NUDT21: variants seen among roughly 807,000 people sequenced by gnomAD.
The protein encoded by NUDT21 is cleavage and polyadenylation specificity factor subunit 5.
Under a neutral mutation model 29.8 loss-of-function variants are expected in NUDT21, and 5 were observed. That is an observed-to-expected ratio of 0.17 (90% CI 0.09 to 0.35). The LOEUF is 0.35. Ranked by LOEUF, NUDT21 falls within the 10% of genes least tolerant of loss-of-function variation. The pLI is 1.00. For missense variants in NUDT21, 76 were observed against 276.0 expected (o/e 0.28, Z 5.13); for synonymous variants, 113 against 98.5 (o/e 1.15, Z -0.87).
At chr16:56,438,929 TA>T (rs1277260573) in intron 4 of NUDT21, among the ~76,000 whole-genome samples, 1 of 152,222 alleles carries the variant, frequency 6.6e-6, no homozygotes, top group African/African-American at 2.4e-5. Context: ...TGGAATTGTT[TA>T]TTTTTAGTAT....
chr16:56,445,242 T>C (rs1456834060), intron 3 of NUDT21, among the ~76,000 whole-genome samples: 1 of 152,248 alleles, frequency 6.6e-6, no homozygotes, highest in African/African-American at 2.4e-5. Context: ...TATGGGATGC[T>C]TAACTGGTAA....
At chr16:56,434,146 C>T (rs944116951) in intron 6 of NUDT21, among the ~76,000 whole-genome samples, 185 bp downstream of exon 6, 12 of 152,192 alleles carry the variant, frequency 7.9e-5, no homozygotes. Flanking sequence ...CATGCCGAAA[C>T]TTAAGAGTCT....
chr16:56,446,405 G>A (rs1444654544), intron 3 of NUDT21: 1 of 472,632 alleles, frequency 2.1e-6, no homozygotes, highest in African/African-American at 2.0e-5. Context: ...TTAAATGTCA[G>A]TTTTAATTTA....
chr16:56,442,839 T>C (rs1347295318), intron 3 of NUDT21, among the ~76,000 whole-genome samples: 1 of 152,230 alleles, frequency 6.6e-6, no homozygotes, highest in Non-Finnish European at 1.5e-5. Context: ...CATTCTATTT[T>C]CTGGTAGAAT....
At chr16:56,444,198 T>G (rs1354712749) in intron 3 of NUDT21, among the ~76,000 whole-genome samples, 2 of 152,036 alleles carry the variant, frequency 1.3e-5, no homozygotes, top group African/African-American at 4.8e-5. Flanking sequence ...GCAGGAAGAT[T>G]GCTTGAGCCC....
At chr16:56,448,290 T>A (rs1210989042) in intron 1 of NUDT21, among the ~76,000 whole-genome samples, 3 of 152,272 alleles carry the variant, frequency 2.0e-5, no homozygotes, top group African/African-American at 7.2e-5. Context: ...CCTCTGGTTT[T>A]ATACCATGGC....
At chr16:56,445,693 G>A (rs1344094910) in intron 3 of NUDT21, among the ~76,000 whole-genome samples, 2 of 152,160 alleles carry the variant, frequency 1.3e-5, no homozygotes, top group East Asian at 3.9e-4. Flanking sequence ...CTGCCTGCCT[G>A]TCTGCTGGAC....
chr16:56,448,096 C>T (rs1596958145), intron 1 of NUDT21, 107 bp from the exon 2 acceptor site: 2 of 882,562 alleles, frequency 2.3e-6, no homozygotes, highest in East Asian at 5.3e-5. Flanking sequence ...ATATATTGTA[C>T]TCAGACACAG....
chr16:56,433,710 T>TG (rs1330308916), intron 6 of NUDT21, among the ~76,000 whole-genome samples: 3 of 152,188 alleles, frequency 2.0e-5, no homozygotes, highest in Non-Finnish European at 4.4e-5. Flanking sequence ...TTTTTTTAGA[T>TG]GGAGTCTCAC....
intron 6 of NUDT21, among the ~76,000 whole-genome samples, chr16:56,433,159 AAAGAT>A (rs1567537335): frequency 6.6e-6 from 1 of 152,224 alleles, no homozygotes; most frequent in African/African-American, 2.4e-5. Context: ...TGGAGTGGCA[AAAGAT>A]AAGGTTTGAT....
In NUDT21 at chr16:56,431,413, TG is replaced by T. The variant is rs1167197413; in HGVS notation, c.*1298del. The T allele has an allele frequency of 6.6e-6, 1 of 152,184 alleles. No individual in the cohort carries two copies. The highest frequency in any genetic ancestry group is 6.5e-5 in the Admixed American group (1 of 15,274). The allele number at this position is 152,184 out of a possible 1,614,324, so 9.4% of individuals were successfully genotyped here. ...TGACATGACCCCAACTAAAAAAACT[TG>T]AGTGTTTATTAATTGCTCAGCTACA... On this transcript the variant is annotated 3_prime_UTR_variant, in exon 7 of 7. Coordinates refer to ENST00000300291, the MANE Select transcript of NUDT21 (RefSeq NM_007006.3).
intron 2 of NUDT21, 174 bp downstream of exon 2, chr16:56,447,615 A>C: frequency 1.7e-6 from 1 of 604,468 alleles, no homozygotes; most frequent in African/African-American, 1.9e-5. Flanking sequence ...TAGTTAGGAA[A>C]ATAAATGAGC....
Position 56,432,700 on chromosome 16 carries a change from C to G in NUDT21, c.*12G>C. ...ACAAGCGGCTTCTTTTACTTCTCCACTGCGCAGGAATTCAGTTGTAAATAA... is the reference window on the plus strand; with the variant it reads ...ACAAGCGGCTTCTTTTACTTCTCCAGTGCGCAGGAATTCAGTTGTAAATAA... On this transcript the variant is annotated 3_prime_UTR_variant, in exon 7 of 7. Coordinates refer to ENST00000300291, the MANE Select transcript of NUDT21 (RefSeq NM_007006.3). The G allele has an allele frequency of 6.2e-7, 1 of 1,610,462 alleles. No homozygotes were observed. Among genetic ancestry groups the G allele is most frequent in the East Asian group, 2.2e-5 (1 of 44,828 alleles).
chr16:56,444,329 A>C (rs1280574916), intron 3 of NUDT21, among the ~76,000 whole-genome samples: 1 of 152,184 alleles, frequency 6.6e-6, no homozygotes, highest in South Asian at 2.1e-4. Flanking sequence ...CACACCTGTA[A>C]TCCCAACACT....
chr16:56,448,662 C>T (rs1567540723), intron 1 of NUDT21, among the ~76,000 whole-genome samples: 2 of 152,110 alleles, frequency 1.3e-5, no homozygotes. Context: ...CTTCCTTTAC[C>T]AATAATTTAA....
At chr16:56,434,116 T>A (rs1962066854) in intron 6 of NUDT21, among the ~76,000 whole-genome samples, 1 of 152,232 alleles carries the variant, frequency 6.6e-6, no homozygotes, top group Admixed American at 6.5e-5. Context: ...GGAAGAGCAG[T>A]TGCACAAATA....
rs1276705606 is a variant in NUDT21 at position 56,429,758 on chromosome 16, T to C, written c.*2954A>G. 2 of 152,158 alleles carry C rather than the reference T, an allele frequency of 1.3e-5. No homozygotes were observed. Among genetic ancestry groups the C allele is most frequent in the African/African-American group, 4.8e-5 (2 of 41,434 alleles). 9.4% of individuals were successfully genotyped at this position (152,158 alleles called of 1,614,324 possible). ...TTCTTTGGCAATGAAACATACAAAA[T>C]TGCAAACTCTGATGCAGTCTCAGTG... On this transcript the variant is annotated 3_prime_UTR_variant, in exon 7 of 7. Transcript: ENST00000300291.
rs1962046775 is a variant in NUDT21 at position 56,432,609 on chromosome 16, G to A, written c.*103C>T. The A allele has an allele frequency of 1.2e-6, 1 of 869,252 alleles. No individual in the cohort carries two copies. The highest frequency in any genetic ancestry group is 1.7e-6 in the Non-Finnish European group (1 of 576,450). 53.8% of individuals were successfully genotyped at this position (869,252 alleles called of 1,614,324 possible). On this transcript the variant is annotated 3_prime_UTR_variant, in exon 7 of 7. Transcript: ENST00000300291. Reference sequence around the variant, plus strand: ...AGGTGGCAATTTAGGGATCGCAAAAGAGATAAAACCAAAAAAACTTTTCTA... The same window carrying A: ...AGGTGGCAATTTAGGGATCGCAAAAAAGATAAAACCAAAAAAACTTTTCTA...
chr16:56,443,944 G>A (rs1307709584), intron 3 of NUDT21, among the ~76,000 whole-genome samples: 4 of 152,128 alleles, frequency 2.6e-5, no homozygotes. Flanking sequence ...AGTTTTTCTT[G>A]GACTGGTCAC....
Sources: gnomAD v4.1 joint callset for allele counts (sites outside exome capture counted in the v4.1 genomes callset) on GRCh38, gnomAD v4.1.1 for gene constraint, MANE v1.5 for transcripts, NCBI Gene and HGNC (gene_info 2026-07-23, HGNC 2026-07-21) for gene names.